Variants in FLT1 observed in about 807,000 individuals in gnomAD.
FLT1 encodes the protein vascular endothelial growth factor receptor 1.
A neutral mutation model predicts 156.3 loss-of-function variants in FLT1; 49 were observed. The observed-to-expected ratio is 0.31, with a 90% CI of 0.25 to 0.40. The LOEUF is 0.40. FLT1 is among the 10% of genes least tolerant of loss of function. The probability of loss-of-function intolerance (pLI) is 1.00; values close to 1 mark genes in which losing one functional copy is unlikely to be tolerated. For missense variants in FLT1, 1,322 were observed against 1,637.2 expected (o/e 0.81, Z 3.32); for synonymous variants, 594 against 583.8 (o/e 1.02, Z -0.25).
intron 14 of FLT1, among the ~76,000 whole-genome samples, chr13:28,365,812 A>C (rs1394840226): frequency 6.6e-6 from 1 of 152,190 alleles, no homozygotes; most frequent in East Asian, 1.9e-4. Context: ...TAACCACTGA[A>C]GCCATAACAA....
At chr13:28,457,559 A>G (rs1879334391) in intron 3 of FLT1, among the ~76,000 whole-genome samples, 1 of 152,248 alleles carries the variant, frequency 6.6e-6, no homozygotes, top group Non-Finnish European at 1.5e-5. Context: ...ATCAAATGAC[A>G]CACAACAAAT....
At chr13:28,407,599 C>T (rs897192099) in intron 10 of FLT1, among the ~76,000 whole-genome samples, 16 of 152,004 alleles carry the variant, frequency 1.1e-4, no homozygotes, top group South Asian at 2.1e-4. Context: ...GCACCTAAAC[C>T]GTATATCAGA....
chr13:28,345,008 G>T (rs75996340), intron 16 of FLT1, among the ~76,000 whole-genome samples: 1 of 151,636 alleles, frequency 6.6e-6, no homozygotes, highest in Non-Finnish European at 1.5e-5. Flanking sequence ...TTACTATATC[G>T]GACAGGCTGG....
intron 14 of FLT1, among the ~76,000 whole-genome samples, chr13:28,372,270 T>G (rs1338417158): frequency 6.8e-6 from 1 of 148,020 alleles, no homozygotes; most frequent in African/African-American, 2.5e-5. Flanking sequence ...TTAGTAGAGA[T>G]AGAGTTTCAC....
intron 3 of FLT1, among the ~76,000 whole-genome samples, chr13:28,459,837 T>G (rs952572366): frequency 2.0e-5 from 3 of 152,256 alleles, no homozygotes; most frequent in Non-Finnish European, 4.4e-5. Flanking sequence ...TGTTCAGCCA[T>G]GTGCTGCTCT....
chr13:28,321,614 C>T (rs934868777), intron 22 of FLT1, 29 bp from the exon 23 acceptor site: 1 of 1,612,902 alleles, frequency 6.2e-7, no homozygotes, highest in Non-Finnish European at 8.5e-7. Context: ...ATAATCAATG[C>T]ATTTCCTTAA....
intron 3 of FLT1, among the ~76,000 whole-genome samples, chr13:28,446,221 G>GGAA (rs907379761): frequency 3.0e-4 from 45 of 152,130 alleles, no homozygotes; most frequent in African/African-American, 1.0e-3. Flanking sequence ...GTGAAGCACT[G>GGAA]GAAGTTTCCC....
chr13:28,494,141 C>T (rs1353148002), intron 1 of FLT1, among the ~76,000 whole-genome samples: 2 of 152,160 alleles, frequency 1.3e-5, no homozygotes, highest in Admixed American at 6.5e-5. Flanking sequence ...CCGAGCGTTC[C>T]CCGGGACAGT....
intron 13 of FLT1, chr13:28,385,439 A>G (rs937706852): frequency 3.9e-6 from 3 of 767,148 alleles, no homozygotes; most frequent in Non-Finnish European, 4.8e-6. Flanking sequence ...CTGTAGTGAT[A>G]GGCTAATATA....
At chr13:28,485,817 C>G (rs190983576) in intron 1 of FLT1, among the ~76,000 whole-genome samples, 3 of 152,302 alleles carry the variant, frequency 2.0e-5, no homozygotes, top group Admixed American at 2.0e-4. Flanking sequence ...GGAAAGGAAG[C>G]CCCGGCCAGG....
At chr13:28,319,569 C>T in intron 23 of FLT1, 35 bp from the exon 24 acceptor site, 1 of 1,315,974 alleles carries the variant, frequency 7.6e-7, no homozygotes, top group African/African-American at 1.4e-5. Flanking sequence ...AGCAGAAGGG[C>T]ATGAAAACAA....
intron 14 of FLT1, among the ~76,000 whole-genome samples, chr13:28,367,332 A>G (rs1274599357): frequency 6.6e-6 from 1 of 152,240 alleles, no homozygotes; most frequent in East Asian, 1.9e-4. Flanking sequence ...GGTGTCCTCT[A>G]AAGTATCTGA....
At chr13:28,347,076 G>A (rs1351030479) in intron 15 of FLT1, among the ~76,000 whole-genome samples, 1 of 152,150 alleles carries the variant, frequency 6.6e-6, no homozygotes, top group Non-Finnish European at 1.5e-5. Flanking sequence ...ATTAGATTTT[G>A]AAAGATTCGG....
At chr13:28,363,266 A>AG (rs1258284514) in intron 14 of FLT1, among the ~76,000 whole-genome samples, 2 of 152,222 alleles carry the variant, frequency 1.3e-5, no homozygotes, top group Admixed American at 6.5e-5. Context: ...GTTAAAGTGC[A>AG]GAAAAAGTAT....
intron 14 of FLT1, among the ~76,000 whole-genome samples, chr13:28,373,025 T>G (rs993815011): frequency 6.6e-6 from 1 of 152,168 alleles, no homozygotes; most frequent in African/African-American, 2.4e-5. Flanking sequence ...TGCAAAACTT[T>G]GTAATATTGA....
At chr13:28,465,830 C>T (rs1355255352) in intron 3 of FLT1, among the ~76,000 whole-genome samples, 3 of 145,378 alleles carry the variant, frequency 2.1e-5, no homozygotes, top group African/African-American at 8.5e-5. Context: ...ATCAAGACTC[C>T]ATCTCAAAAA....
chr13:28,464,494 C>T (rs1879748803), intron 3 of FLT1, among the ~76,000 whole-genome samples: 1 of 152,234 alleles, frequency 6.6e-6, no homozygotes, highest in Non-Finnish European at 1.5e-5. Context: ...CACAAAGCAC[C>T]TGTTAATCCA....
intron 13 of FLT1, chr13:28,385,828 G>C: frequency 9.5e-7 from 1 of 1,051,342 alleles, no homozygotes; most frequent in Non-Finnish European, 1.1e-6. Context: ...CATAAGAACA[G>C]CAGTACCCCC....
intron 29 of FLT1, 56 bp from the exon 30 acceptor site, chr13:28,303,424 A>G: frequency 6.7e-7 from 1 of 1,501,092 alleles, no homozygotes; most frequent in Non-Finnish European, 9.1e-7. Flanking sequence ...TAGAAAACAA[A>G]GACACTAAAA....
Sources: allele counts gnomAD v4.1 joint callset (sites outside exome capture counted in the v4.1 genomes callset), GRCh38; gene constraint gnomAD v4.1.1; transcripts MANE v1.5; gene names NCBI Gene and HGNC (gene_info 2026-07-23, HGNC 2026-07-21).